CDC73: variants seen among roughly 807,000 people sequenced by gnomAD.
The protein encoded by CDC73 is parafibromin.
In CDC73, 21 loss-of-function variants were observed where a neutral mutation model predicts 83.7. The ratio of observed to expected loss-of-function variants is 0.25; its 90% CI spans 0.18 to 0.36. The LOEUF (loss-of-function observed/expected upper bound fraction) is 0.36. Among genes scored for constraint, CDC73 ranks in the 10% least tolerant of loss-of-function variants. CDC73 has a pLI of 1.00. For synonymous variants in CDC73, 224 were observed against 212.9 expected, an observed-to-expected ratio of 1.05 and a Z score of -0.45; for missense variants, 342 against 653.3, an observed-to-expected ratio of 0.52 and a Z score of 5.19.
intron 1 of CDC73, among the ~76,000 whole-genome samples, chr1:193,123,117 C>G (rs1675495012): frequency 6.6e-6 from 1 of 152,168 alleles, no homozygotes; most frequent in Non-Finnish European, 1.5e-5. Flanking sequence ...TGGTGCATCG[C>G]TTCTAGAATT....
intron 10 of CDC73, among the ~76,000 whole-genome samples, chr1:193,195,375 A>G (rs1459170421): frequency 6.6e-6 from 1 of 152,066 alleles, no homozygotes; most frequent in African/African-American, 2.4e-5. Flanking sequence ...CATTGTGTAT[A>G]TATATAATTT....
Position 193,253,409 on chromosome 1 carries a change from T to G in CDC73, c.*2697T>G, listed in dbSNP as rs1678075466. On this transcript the variant is annotated 3_prime_UTR_variant, in exon 17 of 17. Transcript: ENST00000367435. Reference sequence around the variant, plus strand: ...TGTATGTATGTGTGGTTTTTGATTTTTTGTTGTTGTTGTTGTTTTGTGGCC... The same window carrying G: ...TGTATGTATGTGTGGTTTTTGATTTGTTGTTGTTGTTGTTGTTTTGTGGCC... 1.3e-5 allele frequency: 3 copies of G among 232,398 alleles called. No homozygotes were observed. Among genetic ancestry groups the G allele is most frequent in the East Asian group, 6.1e-5 (1 of 16,474 alleles). The allele number at this position is 232,398 out of a possible 1,614,324, so 14.4% of individuals were successfully genotyped here.
At chr1:193,148,393 A>G (rs900481582) in intron 8 of CDC73, among the ~76,000 whole-genome samples, 1 of 152,072 alleles carries the variant, frequency 6.6e-6, no homozygotes, top group Non-Finnish European at 1.5e-5. Context: ...CTGTCCTTTA[A>G]TTGTACCTCC....
At chr1:193,129,588 C>T (rs557034804) in intron 2 of CDC73, among the ~76,000 whole-genome samples, 10 of 151,822 alleles carry the variant, frequency 6.6e-5, no homozygotes, top group African/African-American at 2.2e-4. Flanking sequence ...CTCACTGAAA[C>T]GCCTGTCTCC....
intron 15 of CDC73, among the ~76,000 whole-genome samples, chr1:193,245,900 T>G (rs1283818281): frequency 6.6e-6 from 1 of 152,202 alleles, no homozygotes; most frequent in African/African-American, 2.4e-5. Context: ...ATTGAGCATA[T>G]TTTAATATAT....
intron 15 of CDC73, among the ~76,000 whole-genome samples, chr1:193,247,126 T>C (rs553083976): frequency 3.4e-4 from 52 of 152,290 alleles, no homozygotes; most frequent in Middle Eastern, 3.4e-3. Context: ...TGTGAACAAA[T>C]TGGTTTGTGG....
chr1:193,248,392 G>T (rs552358307), intron 15 of CDC73, among the ~76,000 whole-genome samples: 29 of 152,172 alleles, frequency 1.9e-4, no homozygotes, highest in African/African-American at 6.7e-4. Flanking sequence ...TTTGATGAAG[G>T]TGTTCAAGGA....
chr1:193,150,700 T>A (rs1397978440), intron 9 of CDC73, among the ~76,000 whole-genome samples: 1 of 152,226 alleles, frequency 6.6e-6, no homozygotes, highest in Non-Finnish European at 1.5e-5. Context: ...ATAGCATGGA[T>A]TCTGGATCCA....
chr1:193,233,823 G>A (rs4657747), intron 14 of CDC73, among the ~76,000 whole-genome samples: 103,058 of 151,908 alleles, frequency 0.68, 35,122 homozygotes, highest in South Asian at 0.8. Flanking sequence ...TTGAATTTAA[G>A]TGTCCTTTAA....
At chr1:193,148,861 C>T (rs1011762733) in intron 8 of CDC73, among the ~76,000 whole-genome samples, 99 of 151,396 alleles carry the variant, frequency 6.5e-4, no homozygotes, top group African/African-American at 2.3e-3. Flanking sequence ...AAGACCAGGC[C>T]GGTCTTGAAC....
At chr1:193,179,410 G>A (rs527805644) in intron 10 of CDC73, 130 of 152,712 alleles carry the variant, frequency 8.5e-4, no homozygotes, top group African/African-American at 3.0e-3. Flanking sequence ...GTGCCTTTAA[G>A]TGATTACTTT....
At chr1:193,218,654 G>A (rs1677411583) in intron 13 of CDC73, among the ~76,000 whole-genome samples, 1 of 152,176 alleles carries the variant, frequency 6.6e-6, no homozygotes, top group Non-Finnish European at 1.5e-5. Flanking sequence ...ACAGGAACAA[G>A]CAGTGGGGAA....
Position 193,250,719 on chromosome 1 carries a change from T to A in CDC73, c.*7T>A, listed in dbSNP as rs1299986593. On this transcript the variant is annotated 3_prime_UTR_variant, in exon 17 of 17. Coordinates refer to ENST00000367435, the MANE Select transcript of CDC73 (RefSeq NM_024529.5). ...ATCGCACTTGAGATTCTGAATTATT[T>A]GGCTCCTCCATTTCTGGAAATTGAG... 6.2e-7 allele frequency: 1 copy of A among 1,607,182 alleles called. No homozygotes were observed. Among genetic ancestry groups the A allele is most frequent in the Non-Finnish European group, 8.5e-7 (1 of 1,174,316 alleles).
intron 10 of CDC73, chr1:193,181,484 G>C: frequency 1.9e-6 from 3 of 1,613,940 alleles, no homozygotes; most frequent in Non-Finnish European, 2.5e-6. Flanking sequence ...ACTCCAATAA[G>C]ATGAGTGCGG....
intron 10 of CDC73, among the ~76,000 whole-genome samples, chr1:193,160,296 C>A (rs1676286765): frequency 6.6e-6 from 1 of 152,048 alleles, no homozygotes; most frequent in African/African-American, 2.4e-5. Flanking sequence ...TCAGAGTAAT[C>A]TTGAAATCAA....
rs142060487 is a variant in CDC73, at chr1:193,148,091, T to C, written c.828+126T>C. On this transcript the variant is annotated intron_variant, in intron 8 of 16. Coordinates refer to ENST00000367435, the MANE Select transcript of CDC73 (RefSeq NM_024529.5). ...TTCTAAACCTTTTGCTCCTTTAGCA[T>C]ATCTGAAAGATGTGAAAGCCCTCCC... 4.0e-4 allele frequency: 288 copies of C among 727,856 alleles called. 1 individual carries two copies. The East Asian group carries it at 7.7e-3, about 19-fold the overall frequency. The allele number at this position is 727,856 out of a possible 1,614,324, so 45.1% of individuals were successfully genotyped here.
intron 11 of CDC73, among the ~76,000 whole-genome samples, chr1:193,210,686 C>G (rs1005159404): frequency 2.6e-5 from 4 of 152,010 alleles, no homozygotes; most frequent in African/African-American, 4.8e-5. Flanking sequence ...CTCAGGAGTT[C>G]GAGATCAACC....
intron 5 of CDC73, among the ~76,000 whole-genome samples, chr1:193,135,963 G>A (rs1179817869): frequency 6.6e-6 from 1 of 151,148 alleles, no homozygotes; most frequent in Admixed American, 6.6e-5. Flanking sequence ...CGACCTCCGG[G>A]GTTTAAGTGA....
intron 10 of CDC73, among the ~76,000 whole-genome samples, chr1:193,191,415 TC>T (rs1676915728): frequency 6.6e-6 from 1 of 152,194 alleles, no homozygotes; most frequent in South Asian, 2.1e-4. Flanking sequence ...TTTGAGACAG[TC>T]TCGCTCTGTT....
Sources: gnomAD v4.1 joint callset for allele counts (sites outside exome capture counted in the v4.1 genomes callset) on GRCh38, gnomAD v4.1.1 for gene constraint, MANE v1.5 for transcripts, NCBI Gene and HGNC (gene_info 2026-07-23, HGNC 2026-07-21) for gene names.